ETAA1: variants seen among roughly 807,000 people sequenced by gnomAD.
The protein encoded by ETAA1 is ETAA1 activator of ATR kinase.
A neutral mutation model predicts 76.8 loss-of-function variants in ETAA1; 49 were observed. The observed-to-expected ratio is 0.64, with a 90% CI of 0.51 to 0.81. The LOEUF (loss-of-function observed/expected upper bound fraction) is 0.81. Ranked by LOEUF, ETAA1 falls within the 30% of genes least tolerant of loss-of-function variation. ETAA1 has a pLI of 0.00. For synonymous variants in ETAA1, 373 were observed against 372.2 expected, an observed-to-expected ratio of 1.00 and a Z score of -0.03; for missense variants, 1,099 against 1,074.0, an observed-to-expected ratio of 1.02 and a Z score of -0.32.
intron 5 of ETAA1, among the ~76,000 whole-genome samples, chr2:67,406,364 A>G (rs547112057): frequency 5.4e-4 from 82 of 152,224 alleles, no homozygotes; most frequent in Middle Eastern, 3.4e-3. Flanking sequence ...ACATCTCAGT[A>G]TAAGTACTAC....
chr2:67,398,621 G>A (rs1172541308), intron 1 of ETAA1, among the ~76,000 whole-genome samples: 3 of 152,090 alleles, frequency 2.0e-5, no homozygotes, highest in South Asian at 4.1e-4. Context: ...CAGCCACCGC[G>A]CCCGGCCACC....
At chr2:67,409,821 C>A in intron 5 of ETAA1, 90 bp from the exon 6 acceptor site, 3 of 1,180,612 alleles carry the variant, frequency 2.5e-6, no homozygotes, top group Non-Finnish European at 2.4e-6. Context: ...TATGGCAAAT[C>A]TGGGTGATTA....
In ETAA1 at chr2:67,411,101, T is replaced by C. The variant is rs1341915800; in HGVS notation, c.*1063T>C. Reference sequence around the variant, plus strand: ...TAGTTGACTCATCTTTTCTTCTCTATTACTGTTTTGTTTTTTTCTTTTTTT... The same window carrying C: ...TAGTTGACTCATCTTTTCTTCTCTACTACTGTTTTGTTTTTTTCTTTTTTT... On this transcript the variant is annotated 3_prime_UTR_variant, in exon 6 of 6. Transcript: ENST00000272342. 6.6e-6 allele frequency: 1 copy of C among 152,000 alleles called. No individual in the cohort carries two copies. The highest frequency in any genetic ancestry group is 1.5e-5 in the Non-Finnish European group (1 of 67,992). 9.4% of individuals were successfully genotyped at this position (152,000 alleles called of 1,614,324 possible). A position where few individuals can be genotyped will look rare whatever the true frequency, so the allele number is the denominator to read the frequency against.
At position 67,402,913 on chromosome 2, in the gene ETAA1, G is replaced by C. The variant is rs772886937; in HGVS notation, c.481G>C (p.Ala161Pro). Reference protein sequence around the residue: ...SMLDMWIGETAIPCTPSVAKG... With the variant: ...SMLDMWIGETPIPCTPSVAKG... ...GCTGGACATGTGGATTGGTGAAACT[G>C]CTATTCCTTGTACTCCCAGTGTAGC... The change falls in exon 4 of 6, where the codon GCT (alanine) becomes CCT (proline). Residue 161 changes from alanine (A) to proline (P), a missense_variant. Ala to Pro is a conservative substitution (Grantham distance 27). Transcript: ENST00000272342. 6.2e-7 allele frequency: 1 copy of C among 1,607,284 alleles called. No individual in the cohort carries two copies. The highest frequency in any genetic ancestry group is 8.5e-7 in the Non-Finnish European group (1 of 1,176,558).
Position 67,403,379 on chromosome 2 carries a change from G to T in ETAA1, c.697G>T (p.Asp233Tyr), listed in dbSNP as rs1395140749. ...SETEILSNYK[D>Y]NIQMWSLHNI... Reference sequence around the variant, plus strand: ...AACAGAGATTTTAAGTAATTATAAAGATAATATACAGATGTGGTCATTACA... The same window carrying T: ...AACAGAGATTTTAAGTAATTATAAATATAATATACAGATGTGGTCATTACA... The change falls in exon 5 of 6, where the codon GAT becomes TAT. Residue 233 changes from aspartate (D) to tyrosine (Y), a missense_variant. By Grantham distance (160) the Asp-to-Tyr change is radical. Coordinates refer to ENST00000272342, the MANE Select transcript of ETAA1 (RefSeq NM_019002.4). 1 of 1,604,646 alleles carries T rather than the reference G, an allele frequency of 6.2e-7. No individual in the cohort carries two copies.
intron 2 of ETAA1, 31 bp from the exon 3 acceptor site, chr2:67,399,519 A>C: frequency 6.5e-7 from 1 of 1,529,776 alleles, no homozygotes; most frequent in South Asian, 1.2e-5. Context: ...TTTTTTGTTT[A>C]AAATTTATAG....
Position 67,397,486 on chromosome 2 carries a change from C to T in ETAA1, c.38C>T (p.Pro13Leu). ...AGGAAACATGATGACAGCCCTAGCC[C>T]GAAGAAAACGCCGCACAAAACAGTG... ...RRRKHDDSPS[P>L]KKTPHKTVAA... The change falls in exon 1 of 6, where the codon CCG becomes CTG. Residue 13 changes from proline to leucine, a missense_variant. Pro to Leu is a moderately conservative substitution (Grantham distance 98). Coordinates refer to ENST00000272342, the MANE Select transcript of ETAA1 (RefSeq NM_019002.4). 1 of 1,602,856 alleles carries T rather than the reference C, an allele frequency of 6.2e-7. No homozygotes were observed. The highest frequency in any genetic ancestry group is 2.3e-5 in the East Asian group (1 of 44,280).
Position 67,410,699 on chromosome 2 carries a change from T to C in ETAA1, c.*661T>C, listed in dbSNP as rs553469741. 6.6e-6 allele frequency: 1 copy of C among 152,206 alleles called. No homozygotes were observed. The highest frequency in any genetic ancestry group is 1.9e-4 in the East Asian group (1 of 5,188). The allele number at this position is 152,206 out of a possible 1,614,324, so 9.4% of individuals were successfully genotyped here. A position where few individuals can be genotyped will look rare whatever the true frequency, so the allele number is the denominator to read the frequency against. On this transcript the variant is annotated 3_prime_UTR_variant, in exon 6 of 6. Coordinates refer to ENST00000272342, the MANE Select transcript of ETAA1 (RefSeq NM_019002.4). ...GATTGTCTACAAAAGTAATGTGGCA[T>C]CATTAACATTTAGAACTGGCAGAAA...
Position 67,405,292 on chromosome 2 carries a change from A to G in ETAA1, c.2610A>G (p.Gln870=), listed in dbSNP as rs750481477. The G allele has an allele frequency of 3.8e-6, 6 of 1,563,492 alleles. No individual in the cohort carries two copies. The highest frequency in any genetic ancestry group is 2.4e-5 in the South Asian group (2 of 83,206). Residue 870 remains glutamine, a synonymous_variant, in exon 5 of 6, where the codon CAA becomes CAG. Transcript: ENST00000272342. ...NPLLEEAVGQ[Q]SLVKLSESLK... ...TACTGGAGGAAGCTGTTGGACAGCAATCTTTGGTGAAACTTTCTGAATCTT... is the reference window on the plus strand; with the variant it reads ...TACTGGAGGAAGCTGTTGGACAGCAGTCTTTGGTGAAACTTTCTGAATCTT...
intron 5 of ETAA1, 79 bp from the exon 6 acceptor site, chr2:67,409,830 TAA>T: frequency 1.4e-6 from 2 of 1,400,914 alleles, no homozygotes; most frequent in Non-Finnish European, 1.9e-6. Context: ...TCTGGGTGAT[TAA>T]AAAAAGCAAA....
At chr2:67,402,771 T>C in intron 3 of ETAA1, 91 bp from the exon 4 acceptor site, 2 of 799,462 alleles carry the variant, frequency 2.5e-6, no homozygotes, top group Non-Finnish European at 3.7e-6. Flanking sequence ...ATCATTAGTT[T>C]TTATTGTCTT....
rs775404204 is a variant in ETAA1, at chr2:67,404,853, A to T, written c.2171A>T (p.Tyr724Phe). 6.2e-7 allele frequency: 1 copy of T among 1,613,084 alleles called. No individual in the cohort carries two copies. The highest frequency in any genetic ancestry group is 8.5e-7 in the Non-Finnish European group (1 of 1,179,400). The change falls in exon 5 of 6, where the codon TAT (tyrosine) becomes TTT (phenylalanine). Residue 724 changes from tyrosine to phenylalanine, a missense_variant. Physicochemically the swap from Tyr to Phe is conservative, Grantham distance 22. Transcript: ENST00000272342. ...ATGAAGATGGAGAAAGGGGAAATGTATGGAAATTCTCCAAGATTTTTAGGT... is the reference window on the plus strand; with the variant it reads ...ATGAAGATGGAGAAAGGGGAAATGTTTGGAAATTCTCCAAGATTTTTAGGT... ...KPMKMEKGEM[Y>F]GNSPRFLGAT...
Position 67,397,651 on chromosome 2 carries a change from G to A in ETAA1, c.203G>A (p.Cys68Tyr), listed in dbSNP as rs1675916760. ...GAGCAGCCTCCGACCGCCGCCCTGT[G>A]CAGTAAAAGTAACCCCGAGGGTGAG... is the stretch of plus-strand genomic sequence containing the variant. Reference protein sequence around the residue: ...QREQPPTAALCSKSNPEERYE... With the variant: ...QREQPPTAALYSKSNPEERYE... Residue 68 changes from cysteine to tyrosine, a missense_variant, in exon 1 of 6, where the codon TGC becomes TAC. Cys to Tyr is a radical substitution (Grantham distance 194). This residue lies in a region of ETAA1 where 761 missense variants were observed against 731.9 expected (regional missense o/e 1.04). Coordinates refer to ENST00000272342, the MANE Select transcript of ETAA1 (RefSeq NM_019002.4). The A allele has an allele frequency of 3.2e-6, 5 of 1,547,746 alleles. No individual in the cohort carries two copies. The highest frequency in any genetic ancestry group is 4.9e-5 in the East Asian group (2 of 40,930).
intron 1 of ETAA1, among the ~76,000 whole-genome samples, 173 bp from the exon 2 acceptor site, chr2:67,398,996 C>T (rs571140330): frequency 7.9e-5 from 12 of 152,214 alleles, no homozygotes; most frequent in Middle Eastern, 3.4e-3. Context: ...CGAAGTGCCG[C>T]GTGGATTTTT....
At chr2:67,409,874 C>G in intron 5 of ETAA1, 37 bp from the exon 6 acceptor site, 1 of 1,565,180 alleles carries the variant, frequency 6.4e-7, no homozygotes, top group Non-Finnish European at 8.6e-7. Flanking sequence ...ACTTTATAGG[C>G]TATAAAAGTA....
intron 5 of ETAA1, among the ~76,000 whole-genome samples, chr2:67,406,650 C>T (rs78864250): frequency 0.012 from 1,826 of 152,054 alleles, 37 homozygotes; most frequent in African/African-American, 0.039. Flanking sequence ...CCATCCCTTA[C>T]GGAAAACCAC....
At chr2:67,406,960 A>C (rs567862127) in intron 5 of ETAA1, among the ~76,000 whole-genome samples, 1 of 152,066 alleles carries the variant, frequency 6.6e-6, no homozygotes, top group Non-Finnish European at 1.5e-5. Flanking sequence ...GTCTTTTGCA[A>C]TTACAAACAA....
intron 3 of ETAA1, 65 bp from the exon 4 acceptor site, chr2:67,402,797 T>G: frequency 9.3e-7 from 1 of 1,072,834 alleles, no homozygotes; most frequent in Non-Finnish European, 1.3e-6. Flanking sequence ...TTTCTTTTGT[T>G]TTTTTGGAAG....
intron 5 of ETAA1, among the ~76,000 whole-genome samples, chr2:67,409,356 C>T (rs531673030): frequency 6.6e-6 from 1 of 151,940 alleles, no homozygotes; most frequent in East Asian, 1.9e-4. Context: ...TCACAGGTAA[C>T]CAGTTTGACA....
Sources: allele counts gnomAD v4.1 joint callset (sites outside exome capture counted in the v4.1 genomes callset), GRCh38; gene constraint gnomAD v4.1.1; regional missense constraint gnomAD v4.1.1; transcripts MANE v1.5; gene names NCBI Gene and HGNC (gene_info 2026-07-23, HGNC 2026-07-21).